The following NDST3 variants were observed in gnomAD, a reference collection of about 807,000 sequenced individuals.
The protein encoded by NDST3 is N-deacetylase and N-sulfotransferase 3, also known as bifunctional heparan sulfate N-deacetylase/N-sulfotransferase 3.
NDST3 carries 58 observed loss-of-function variants against 96.1 expected under a neutral mutation model. The observed-to-expected ratio is 0.60, with a 90% CI of 0.49 to 0.75. The LOEUF (loss-of-function observed/expected upper bound fraction) is 0.75, where lower values mean the gene tolerates loss of function less well. NDST3 is among the 30% of genes least tolerant of loss of function. NDST3 has a pLI of 0.00. For missense variants in NDST3, 788 were observed against 1,034.2 expected (o/e 0.76, Z 3.27); for synonymous variants, 333 against 359.7 (o/e 0.93, Z 0.84).
chr4:118,148,631 A>C (rs1191675028), intron 6 of NDST3, among the ~76,000 whole-genome samples: 1 of 152,180 alleles, frequency 6.6e-6, no homozygotes, highest in Non-Finnish European at 1.5e-5. Flanking sequence ...AAATAAATAA[A>C]ACAGAATTCA....
intron 3 of NDST3, among the ~76,000 whole-genome samples, chr4:118,107,473 A>C: frequency 6.6e-6 from 1 of 152,288 alleles, no homozygotes; most frequent in Non-Finnish European, 1.5e-5. Context: ...TTAAATATAA[A>C]CCATATAGAA....
Position 118,184,609 on chromosome 4 carries a change from A to T in NDST3, c.1540-39882A>T, listed in dbSNP as rs1313677839. Among the ~76,000 whole-genome samples the T allele has an allele frequency of 5.3e-3, 745 of 140,302 alleles. 11 individuals are homozygous for T. Among genetic ancestry groups the T allele is most frequent in the African/African-American group, 0.02 (706 of 35,626 alleles). 92.0% of individuals were successfully genotyped at this position (140,302 alleles called of 152,430 possible). On this transcript the variant is annotated intron_variant, in intron 6 of 13. Coordinates refer to ENST00000296499, the MANE Select transcript of NDST3 (RefSeq NM_004784.3). Reference sequence around the variant, plus strand: ...TGTCTCTCTCTCTCTCTCTACACACACACACACACACACACACACACACAC... The same window carrying T: ...TGTCTCTCTCTCTCTCTCTACACACTCACACACACACACACACACACACAC...
rs184590408 is a variant in NDST3, at chr4:118,211,148, G to A, written c.1540-13343G>A. The stretch of plus-strand genomic sequence containing the variant: ...CAGATTTAATATTGCAACAAGTTTG[G>A]AATTTTTATTGTTCTTTGAACCAAA... On this transcript the variant is annotated intron_variant, in intron 6 of 13. Coordinates refer to ENST00000296499, the MANE Select transcript of NDST3 (RefSeq NM_004784.3). 1.7e-3 allele frequency among the ~76,000 whole-genome samples: 257 copies of A among 152,234 alleles called. 1 individual carries two copies. Among genetic ancestry groups the A allele is most frequent in the African/African-American group, 5.8e-3 (239 of 41,528 alleles).
At position 118,054,303 on chromosome 4, in the gene NDST3, T is replaced by A; in HGVS notation, c.393T>A (p.Ile131=). Residue 131 remains isoleucine, a synonymous_variant, in exon 2 of 14, where the codon ATT becomes ATA. Transcript: ENST00000296499. ...IDKMKGKYIL[I]IYENILKYIN... is the part of the protein sequence containing the mutation. ...AAATGAAAGGCAAATACATTCTCAT[T>A]ATTTATGAGAATATTTTAAAGTATA... is the stretch of plus-strand genomic sequence containing the variant. The A allele has an allele frequency of 6.2e-7, 1 of 1,609,658 alleles. No homozygotes were observed. The highest frequency in any genetic ancestry group is 8.5e-7 in the Non-Finnish European group (1 of 1,177,096).
At chr4:118,167,499 A>G (rs58798110) in intron 6 of NDST3, among the ~76,000 whole-genome samples, 1 of 151,830 alleles carries the variant, frequency 6.6e-6, no homozygotes, top group Non-Finnish European at 1.5e-5. Context: ...AGTAATCTAC[A>G]GATTAAATGC....
intron 2 of NDST3, among the ~76,000 whole-genome samples, chr4:118,073,737 T>A (rs577446333): frequency 1.1e-4 from 16 of 152,048 alleles, no homozygotes; most frequent in Admixed American, 2.0e-4. Context: ...TTTTTTCACA[T>A]CTCAGTTTCA....
intron 2 of NDST3, among the ~76,000 whole-genome samples, chr4:118,073,841 C>T (rs1258952448): frequency 6.6e-6 from 1 of 151,820 alleles, no homozygotes. Flanking sequence ...TGTGATGTTA[C>T]ATTTAAGATA....
In NDST3 at chr4:118,161,212, T is replaced by C. The variant is rs536676998; in HGVS notation, c.1539+17528T>C. ...TTTTCGTGAACTGCGAATGCTGCTG[T>C]CTGATCATTCCTCTGGAAGCTTTGT... On this transcript the variant is annotated intron_variant, in intron 6 of 13. Coordinates refer to ENST00000296499, the MANE Select transcript of NDST3 (RefSeq NM_004784.3). 2.0e-5 allele frequency among the ~76,000 whole-genome samples: 3 copies of C among 152,298 alleles called. No homozygotes were observed. In the East Asian group the frequency reaches 5.8e-4, roughly 29 times the overall value.
At chr4:118,236,576 G>C (rs1379082456) in intron 9 of NDST3, among the ~76,000 whole-genome samples, 1 of 152,060 alleles carries the variant, frequency 6.6e-6, no homozygotes, top group Admixed American at 6.5e-5. Flanking sequence ...CGTAACACCG[G>C]CACAATACAT....
Position 118,205,855 on chromosome 4 carries a change from C to T in NDST3, c.1540-18636C>T, listed in dbSNP as rs1330310859. ...TTCTTTTTTTTTTTTTTTTTTGAGA[C>T]GGAGTCTCGCTCTGTCACCCAGGCT... On this transcript the variant is annotated intron_variant, in intron 6 of 13. Coordinates refer to ENST00000296499, the MANE Select transcript of NDST3 (RefSeq NM_004784.3). Among the ~76,000 whole-genome samples the T allele has an allele frequency of 7.3e-5, 9 of 123,230 alleles. 1 individual carries two copies. The highest frequency in any genetic ancestry group is 2.6e-4 in the Admixed American group (3 of 11,668). The allele number at this position is 123,230 out of a possible 152,430, so 80.8% of individuals were successfully genotyped here. A position where few individuals can be genotyped will look rare whatever the true frequency, so the allele number is the denominator to read the frequency against.
rs1195940526 is a variant in NDST3 at position 118,114,912 on chromosome 4, T to C, written c.1176T>C (p.Asn392=). 2 of 1,614,136 alleles carry C rather than the reference T, an allele frequency of 1.2e-6. No individual in the cohort carries two copies. The highest frequency in any genetic ancestry group is 8.5e-7 in the Non-Finnish European group (1 of 1,179,982). The change falls in exon 4 of 14, where the codon AAT becomes AAC. Residue 392 remains asparagine, a synonymous_variant. Coordinates refer to ENST00000296499, the MANE Select transcript of NDST3 (RefSeq NM_004784.3). ...WSHMQPHLFH[N]ESSLVEQMIL... is the part of the protein sequence containing the mutation. The stretch of plus-strand genomic sequence containing the variant: ...ATATGCAGCCCCACCTCTTCCACAA[T>C]GAGTCATCTTTGGTGGAGCAGATGA...
intron 4 of NDST3, among the ~76,000 whole-genome samples, chr4:118,121,061 C>T (rs75902662): frequency 0.013 from 1,946 of 152,158 alleles, 43 homozygotes; most frequent in African/African-American, 0.044. Flanking sequence ...TTACAATTGT[C>T]CCTTTAATAT....
At chr4:118,252,159 A>G (rs1050706653) in intron 12 of NDST3, among the ~76,000 whole-genome samples, 2 of 152,256 alleles carry the variant, frequency 1.3e-5, no homozygotes, top group East Asian at 1.9e-4. Context: ...TAATTATTGA[A>G]TAACAAAAGC....
At chr4:118,187,042 C>T (rs34101813) in intron 6 of NDST3, among the ~76,000 whole-genome samples, 9,294 of 152,124 alleles carry the variant, frequency 0.061, 383 homozygotes, top group Non-Finnish European at 0.092. Context: ...AGCCAGAGTC[C>T]CCATGAACCA....
In NDST3 at chr4:118,047,548, C is replaced by T. The variant is rs568823892; in HGVS notation, c.-155-6208C>T. 6.4e-4 allele frequency among the ~76,000 whole-genome samples: 97 copies of T among 152,222 alleles called. 1 individual carries two copies. Among genetic ancestry groups the T allele is most frequent in the Admixed American group, 3.3e-3 (50 of 15,288 alleles). ...AAATATGAAATATCCATTTTAAAAACGAACTAAACTGAACTACTAGAGCTG... is the reference window on the plus strand; with the variant it reads ...AAATATGAAATATCCATTTTAAAAATGAACTAAACTGAACTACTAGAGCTG... On this transcript the variant is annotated intron_variant, in intron 1 of 13. Transcript: ENST00000296499.
intron 10 of NDST3, among the ~76,000 whole-genome samples, chr4:118,238,405 A>G (rs948424797): frequency 3.9e-5 from 6 of 152,194 alleles, no homozygotes; most frequent in African/African-American, 1.2e-4. Flanking sequence ...TACACTTTTA[A>G]TAAATCATTG....
intron 4 of NDST3, among the ~76,000 whole-genome samples, chr4:118,130,506 T>C (rs1158278588): frequency 6.6e-6 from 1 of 152,164 alleles, no homozygotes; most frequent in African/African-American, 2.4e-5. Flanking sequence ...TTATGTCTTG[T>C]TGTACTGTTT....
At chr4:118,080,699 C>T (rs1727940124) in intron 2 of NDST3, among the ~76,000 whole-genome samples, 1 of 152,016 alleles carries the variant, frequency 6.6e-6, no homozygotes, top group Admixed American at 6.6e-5. Context: ...TTCACTCTTC[C>T]TAGCACAGAG....
At chr4:118,058,666 T>C (rs1725655480) in intron 2 of NDST3, among the ~76,000 whole-genome samples, 1 of 151,394 alleles carries the variant, frequency 6.6e-6, no homozygotes, top group African/African-American at 2.4e-5. Context: ...TGCAAACGTG[T>C]TCCATTGGAC....
Sources: allele counts gnomAD v4.1 joint callset (sites outside exome capture counted in the v4.1 genomes callset), GRCh38; gene constraint gnomAD v4.1.1; transcripts MANE v1.5; gene names NCBI Gene and HGNC (gene_info 2026-07-23, HGNC 2026-07-21).